BPTF: variants seen among roughly 807,000 people sequenced by gnomAD.
BPTF encodes nucleosome-remodeling factor subunit BPTF.
A neutral mutation model predicts 292.5 loss-of-function variants in BPTF; 18 were observed. That is an observed-to-expected ratio of 0.06 (90% CI 0.04 to 0.09). The LOEUF (loss-of-function observed/expected upper bound fraction) is 0.09, where lower values mean the gene tolerates loss of function less well. Ranked by LOEUF, BPTF falls within the 10% of genes least tolerant of loss-of-function variation. The probability of loss-of-function intolerance (pLI) is 1.00; values close to 1 mark genes in which losing one functional copy is unlikely to be tolerated. For synonymous variants in BPTF, 1,225 were observed against 1,251.9 expected (o/e 0.98, Z 0.45); for missense variants, 2,726 against 3,498.7 (o/e 0.78, Z 5.57).
chr17:67,925,119 CTG>C (rs1254014377), intron 15 of BPTF, among the ~76,000 whole-genome samples: 4 of 146,680 alleles, frequency 2.7e-5, no homozygotes, highest in Non-Finnish European at 6.0e-5. Context: ...GAAAACAGCT[CTG>C]TGGGTACACC....
At chr17:67,893,835 A>C (rs1419059445) in intron 6 of BPTF, 110 bp downstream of exon 6, 29 of 1,187,156 alleles carry the variant, frequency 2.4e-5, no homozygotes, top group Middle Eastern at 2.2e-4. Flanking sequence ...GAATGAAGTC[A>C]ATGTGGTCAG....
chr17:67,833,362 C>T (rs1378297755), intron 1 of BPTF, among the ~76,000 whole-genome samples: 5 of 151,552 alleles, frequency 3.3e-5, no homozygotes, highest in African/African-American at 1.2e-4. Flanking sequence ...GCTAGGATTA[C>T]AGGCACACAT....
rs555063951 is a variant in BPTF at position 67,905,899 on chromosome 17, C to T, written c.2812+1059C>T. On this transcript the variant is annotated intron_variant, in intron 9 of 27. Coordinates refer to ENST00000306378, the MANE Select transcript of BPTF (RefSeq NM_182641.4). ...GGGAACATCACACACCGGGGCCTGT[C>T]GTGGGGTTGGGGGAGGTTGGGGGAT... 2.5e-3 allele frequency among the ~76,000 whole-genome samples: 369 copies of T among 149,940 alleles called. 1 individual carries two copies. The highest frequency in any genetic ancestry group is 3.5e-3 in the Non-Finnish European group (238 of 67,584).
intron 7 of BPTF, among the ~76,000 whole-genome samples, chr17:67,895,693 C>A (rs1348347045): frequency 6.6e-6 from 1 of 152,172 alleles, no homozygotes; most frequent in East Asian, 1.9e-4. Context: ...GAACTCTGGG[C>A]TCAAGCAATC....
At chr17:67,947,303 G>A (rs1386614025) in intron 21 of BPTF, among the ~76,000 whole-genome samples, 1 of 152,134 alleles carries the variant, frequency 6.6e-6, no homozygotes, top group African/African-American at 2.4e-5. Context: ...GCTAATCTTT[G>A]TATAGGGGAG....
At chr17:67,958,588 G>C (rs2148269516) in intron 23 of BPTF, among the ~76,000 whole-genome samples, 1 of 152,236 alleles carries the variant, frequency 6.6e-6, no homozygotes, top group East Asian at 1.9e-4. Flanking sequence ...AATTAGCTGG[G>C]TATGGTGGTG....
chr17:67,842,583 G>A (rs1186326887), intron 1 of BPTF, among the ~76,000 whole-genome samples: 1 of 152,026 alleles, frequency 6.6e-6, no homozygotes, highest in African/African-American at 2.4e-5. Context: ...AAAAGTTTAG[G>A]TTCAAAGCAA....
chr17:67,957,592 G>A (rs1296654696), intron 23 of BPTF, among the ~76,000 whole-genome samples: 1 of 152,032 alleles, frequency 6.6e-6, no homozygotes, highest in Admixed American at 6.6e-5. Flanking sequence ...TCTTATGGCC[G>A]GGTGTAAGTG....
intron 4 of BPTF, among the ~76,000 whole-genome samples, chr17:67,890,361 G>T (rs955899311): frequency 6.6e-6 from 1 of 152,114 alleles, no homozygotes; most frequent in African/African-American, 2.4e-5. Flanking sequence ...TTTGTGATGG[G>T]CTTATTGTTT....
At position 67,916,598 on chromosome 17, in the gene BPTF, T is replaced by A. The variant is rs536126366; in HGVS notation, c.5304-2116T>A. Among the ~76,000 whole-genome samples the A allele has an allele frequency of 2.0e-5, 3 of 150,294 alleles. No homozygotes were observed. The East Asian group carries it at 5.9e-4, about 29-fold the overall frequency. On this transcript the variant is annotated intron_variant, in intron 11 of 27. Coordinates refer to ENST00000306378, the MANE Select transcript of BPTF (RefSeq NM_182641.4). Reference sequence around the variant, plus strand: ...AGAGCAAAACTCCGTCTCAAAAAAATAATAATAATATACAAAAATTAGCTG... The same window carrying A: ...AGAGCAAAACTCCGTCTCAAAAAAAAAATAATAATATACAAAAATTAGCTG...
intron 26 of BPTF, chr17:67,974,092 T>A (rs1057405912): frequency 4.6e-5 from 7 of 152,242 alleles, no homozygotes; most frequent in African/African-American, 9.6e-5. Context: ...TCTAAAATAT[T>A]CACTAACCTT....
intron 18 of BPTF, among the ~76,000 whole-genome samples, chr17:67,936,385 T>TTA (rs1391900509): frequency 6.6e-6 from 1 of 152,132 alleles, no homozygotes; most frequent in African/African-American, 2.4e-5. Flanking sequence ...AAAGTGCAAT[T>TTA]TATAGGTGAT....
chr17:67,837,444 G>A (rs1372610503), intron 1 of BPTF, among the ~76,000 whole-genome samples: 1 of 149,302 alleles, frequency 6.7e-6, no homozygotes, highest in Non-Finnish European at 1.5e-5. Context: ...GTCTTGCTCT[G>A]TCGCCCAGGC....
At chr17:67,928,005 T>C (rs2064061807) in intron 15 of BPTF, among the ~76,000 whole-genome samples, 1 of 152,054 alleles carries the variant, frequency 6.6e-6, no homozygotes, top group South Asian at 2.1e-4. Flanking sequence ...TGCCTCAGCC[T>C]CCCGAGTAGT....
chr17:67,851,798 C>G (rs1188252382), intron 1 of BPTF, among the ~76,000 whole-genome samples: 1 of 152,098 alleles, frequency 6.6e-6, no homozygotes, highest in African/African-American at 2.4e-5. Flanking sequence ...CATTGTTTTG[C>G]ATCCTTCCCA....
At position 67,968,070 on chromosome 17, in the gene BPTF, T is replaced by C. The variant is rs563572399; in HGVS notation, c.8539+1414T>C. ...AAATGGTAATAGGAGCCACGAGTAA[T>C]CGTATCAACACGAATGGCTACAAAT... On this transcript the variant is annotated intron_variant, in intron 26 of 27. Coordinates refer to ENST00000306378, the MANE Select transcript of BPTF (RefSeq NM_182641.4). Among the ~76,000 whole-genome samples the C allele has an allele frequency of 8.6e-5, 13 of 151,332 alleles. No individual in the cohort carries two copies. In the South Asian group the frequency reaches 1.2e-3, roughly 14 times the overall value.
chr17:67,857,529 C>G (rs1472852238), intron 2 of BPTF, among the ~76,000 whole-genome samples: 1 of 150,608 alleles, frequency 6.6e-6, no homozygotes, highest in African/African-American at 2.4e-5. Flanking sequence ...TGCAGTGACA[C>G]TATGTCGGCT....
chr17:67,899,822 C>T (rs974400356), intron 7 of BPTF, among the ~76,000 whole-genome samples: 2 of 151,918 alleles, frequency 1.3e-5, no homozygotes, highest in African/African-American at 4.8e-5. Context: ...AGCCACCGCG[C>T]CCGGCCTATG....
At chr17:67,886,517 A>G (rs2060766698) in intron 4 of BPTF, among the ~76,000 whole-genome samples, 1 of 151,434 alleles carries the variant, frequency 6.6e-6, no homozygotes, top group Non-Finnish European at 1.5e-5. Context: ...CTTGCACTCA[A>G]TGTTTTTGTT....
Sources: allele counts gnomAD v4.1 joint callset (sites outside exome capture counted in the v4.1 genomes callset), GRCh38; gene constraint gnomAD v4.1.1; transcripts MANE v1.5; gene names NCBI Gene and HGNC (gene_info 2026-07-23, HGNC 2026-07-21).